The following PCM1 variants were observed in gnomAD, a reference collection of about 807,000 sequenced individuals.
The protein encoded by PCM1 is pericentriolar material 1 protein.
PCM1 carries 157 observed loss-of-function variants against 241.9 expected under a neutral mutation model. The ratio of observed to expected loss-of-function variants is 0.65; its 90% CI spans 0.57 to 0.74. The LOEUF (loss-of-function observed/expected upper bound fraction) is 0.74. Ranked by LOEUF, PCM1 falls within the 30% of genes least tolerant of loss-of-function variation. The probability of loss-of-function intolerance (pLI) is 0.00; values close to 1 mark genes in which losing one functional copy is unlikely to be tolerated. For synonymous variants in PCM1, 1,085 were observed against 784.9 expected, an observed-to-expected ratio of 1.38 and a Z score of -6.39; for missense variants, 3,478 against 2,360.1, an observed-to-expected ratio of 1.47 and a Z score of -9.81.
intron 29 of PCM1, among the ~76,000 whole-genome samples, chr8:17,998,102 G>T (rs1438464315): frequency 2.0e-5 from 3 of 151,838 alleles, no homozygotes; most frequent in Non-Finnish European, 4.4e-5. Context: ...GTTTCCTCAA[G>T]ACAGCTATTT....
rs762793438 is a variant in PCM1, at chr8:17,955,669, T to A, written c.1472+16T>A. On this transcript the variant is annotated intron_variant, in intron 10 of 38. Transcript: ENST00000325083. ...AAAAACTCCAGTAAAACATTTATAATCATTGTTTACATGAAGTTAAATAAT... is the reference window on the plus strand; with the variant it reads ...AAAAACTCCAGTAAAACATTTATAAACATTGTTTACATGAAGTTAAATAAT... 1.3e-6 allele frequency: 2 copies of A among 1,587,822 alleles called. No individual in the cohort carries two copies. Among genetic ancestry groups the A allele is most frequent in the East Asian group, 4.5e-5 (2 of 44,756 alleles).
rs1208140188 is a variant in PCM1 at position 18,002,067 on chromosome 8, T to C, written c.4828-4196T>C. ...AGATCTGTTAAATTTTTTTTTTCTT[T>C]TTTTTTTTTTCTTTTTTTTATTATA... On this transcript the variant is annotated intron_variant, in intron 29 of 38. Transcript: ENST00000325083. Among the ~76,000 whole-genome samples, 5 of 68,860 alleles carry C rather than the reference T, an allele frequency of 7.3e-5. No individual in the cohort carries two copies. In the East Asian group the frequency reaches 1.5e-3, roughly 20 times the overall value. 45.2% of individuals were successfully genotyped at this position (68,860 alleles called of 152,430 possible). A position where few individuals can be genotyped will look rare whatever the true frequency, so the allele number is the denominator to read the frequency against.
At chr8:17,986,846 G>A (rs1030744878) in intron 26 of PCM1, among the ~76,000 whole-genome samples, 9 of 151,804 alleles carry the variant, frequency 5.9e-5, no homozygotes, top group South Asian at 2.1e-4. Context: ...TAAGAGTTTC[G>A]TAGTTGATTA....
In PCM1 at chr8:17,941,511, T is replaced by A. The variant is rs2062026503; in HGVS notation, c.783+1650T>A. On this transcript the variant is annotated intron_variant, in intron 6 of 38. Transcript: ENST00000325083. ...AAATATACTGCTGCTTGGAGGGGGATGTGGATTGATTTTTGTTTTTTTTTT... is the reference window on the plus strand; with the variant it reads ...AAATATACTGCTGCTTGGAGGGGGAAGTGGATTGATTTTTGTTTTTTTTTT... Among the ~76,000 whole-genome samples, 5 of 151,278 alleles carry A rather than the reference T, an allele frequency of 3.3e-5. No homozygotes were observed. In the South Asian group the frequency reaches 1.1e-3, roughly 32 times the overall value.
intron 23 of PCM1, among the ~76,000 whole-genome samples, chr8:17,978,603 C>G (rs7821698): frequency 0.017 from 2,529 of 152,042 alleles, 71 homozygotes; most frequent in African/African-American, 0.058. Flanking sequence ...AACTCAGGAA[C>G]CTTGTACTCA....
At chr8:17,963,080 C>A (rs775397311) in intron 16 of PCM1, 21 bp from the exon 17 acceptor site, 71 of 1,560,096 alleles carry the variant, frequency 4.6e-5, no homozygotes, top group Non-Finnish European at 5.9e-5. Context: ...TTATTTAACT[C>A]TGGTTTCTTA....
intron 23 of PCM1, among the ~76,000 whole-genome samples, chr8:17,974,910 G>A (rs1192124396): frequency 6.6e-6 from 1 of 150,946 alleles, no homozygotes; most frequent in African/African-American, 2.4e-5. Flanking sequence ...AGGCTTGATA[G>A]CAGAATCAAA....
At chr8:17,974,428 A>G (rs1472396599) in intron 23 of PCM1, among the ~76,000 whole-genome samples, 1 of 152,242 alleles carries the variant, frequency 6.6e-6, no homozygotes, top group Non-Finnish European at 1.5e-5. Context: ...ATAGGGCAAT[A>G]CTTCATAAAC....
chr8:17,994,652 C>T (rs2085956118), intron 29 of PCM1, among the ~76,000 whole-genome samples: 1 of 152,166 alleles, frequency 6.6e-6, no homozygotes, highest in African/African-American at 2.4e-5. Context: ...TTTACATTCC[C>T]ACCAGCAGTG....
rs190091576 is a variant in PCM1 at position 17,957,769 on chromosome 8, G to T, written c.2034G>T (p.Met678Ile). 3.1e-6 allele frequency: 5 copies of T among 1,605,840 alleles called. No homozygotes were observed. The Admixed American group carries it at 8.3e-5, about 27-fold the overall frequency. ...KLRQLQDLVA[M>I]VQDDDAAQGV... is the part of the protein sequence containing the mutation. ...GACAGTTACAAGATCTTGTTGCTAT[G>T]GTACAGGTAAATATTGCTTGGTCTT... Residue 678 changes from methionine (M) to isoleucine (I), a missense_variant, in exon 13 of 39, where the codon ATG (methionine) becomes ATT (isoleucine). Transcript: ENST00000325083.
chr8:18,003,693 G>A (rs1243777535), intron 29 of PCM1, among the ~76,000 whole-genome samples: 2 of 151,868 alleles, frequency 1.3e-5, no homozygotes, highest in African/African-American at 4.8e-5. Flanking sequence ...AGAATTTGAG[G>A]GATAAGGCAT....
intron 2 of PCM1, among the ~76,000 whole-genome samples, chr8:17,929,496 T>C (rs13261745): frequency 0.49 from 74,889 of 152,060 alleles, 19,851 homozygotes; most frequent in Non-Finnish European, 0.61. Context: ...ATTGGGTGTA[T>C]TATAGGCACA....
intron 13 of PCM1, among the ~76,000 whole-genome samples, chr8:17,958,878 C>A (rs1344092339): frequency 6.6e-6 from 1 of 152,132 alleles, no homozygotes; most frequent in Non-Finnish European, 1.5e-5. Context: ...TGTACCACCA[C>A]ACCTGGCTAA....
intron 38 of PCM1, 96 bp from the exon 39 acceptor site, chr8:18,027,541 G>C (rs527737072): frequency 1.0e-5 from 8 of 766,574 alleles, no homozygotes; most frequent in Admixed American, 5.2e-5. Flanking sequence ...TTATAATAAC[G>C]TTATATTAAA....
At chr8:18,015,566 T>C (rs1236442687) in intron 36 of PCM1, 1 of 152,234 alleles carries the variant, frequency 6.6e-6, no homozygotes, top group Non-Finnish European at 1.5e-5. Context: ...TAATTTATTT[T>C]ACTTCCACAT....
At chr8:17,983,417 T>A in intron 24 of PCM1, 1 of 333,544 alleles carries the variant, frequency 3.0e-6, no homozygotes, top group Non-Finnish European at 5.6e-6. Context: ...GTGACTATTG[T>A]AAAAGATAAT....
chr8:17,937,434 G>A, intron 4 of PCM1, 55 bp downstream of exon 4: 2 of 1,393,604 alleles, frequency 1.4e-6, no homozygotes, highest in East Asian at 2.5e-5. Context: ...ACTTGAAATG[G>A]ATTAAATAAT....
In PCM1 at chr8:17,994,241, T is replaced by C. The variant is rs1220112122; in HGVS notation, c.4827+622T>C. 3.3e-5 allele frequency among the ~76,000 whole-genome samples: 5 copies of C among 152,318 alleles called. No individual in the cohort carries two copies. In the South Asian group the frequency reaches 1.0e-3, roughly 32 times the overall value. On this transcript the variant is annotated intron_variant, in intron 29 of 38. Transcript: ENST00000325083. ...TACAGTTTATCTCCATGAGTTAAAT[T>C]GTTTTAATTTTTAGCTCCCACAAGT...
At chr8:17,956,831 T>C in intron 11 of PCM1, 54 bp downstream of exon 11, 2 of 1,332,774 alleles carry the variant, frequency 1.5e-6, no homozygotes, top group South Asian at 1.3e-5. Flanking sequence ...TCTTGATACT[T>C]ATAATGTGGG....
Sources: gnomAD v4.1 joint callset for allele counts (sites outside exome capture counted in the v4.1 genomes callset) on GRCh38, gnomAD v4.1.1 for gene constraint, MANE v1.5 for transcripts, NCBI Gene and HGNC (gene_info 2026-07-23, HGNC 2026-07-21) for gene names.